The following ZCCHC14 variants were observed in gnomAD, a reference collection of about 807,000 sequenced individuals.
The protein encoded by ZCCHC14 is zinc finger CCHC domain-containing protein 14.
A neutral mutation model predicts 85.0 loss-of-function variants in ZCCHC14; 16 were observed. The ratio of observed to expected loss-of-function variants is 0.19; its 90% confidence interval spans 0.13 to 0.29. The LOEUF is 0.29. Among genes scored for constraint, ZCCHC14 ranks in the 10% least tolerant of loss-of-function variants. The pLI, the probability that ZCCHC14 is intolerant of heterozygous loss-of-function variation, is 1.00. For synonymous variants in ZCCHC14, 775 were observed against 630.7 expected (o/e 1.23, Z -3.43); for missense variants, 1,303 against 1,443.5 (o/e 0.90, Z 1.58).
chr16:87,471,644 C>G (rs191136435), intron 1 of ZCCHC14: 3 of 152,316 alleles, frequency 2.0e-5, no homozygotes, highest in Admixed American at 6.5e-5. Context: ...AGGGGCCAAC[C>G]ACATGGGACC....
intron 2 of ZCCHC14, 152 bp from the exon 3 acceptor site, chr16:87,433,353 C>G: frequency 1.5e-6 from 1 of 688,410 alleles, no homozygotes; most frequent in South Asian, 1.9e-5. Context: ...AGAACCAGAG[C>G]CCAGAGAGGA....
chr16:87,486,243 C>T (rs1912507654), intron 1 of ZCCHC14, among the ~76,000 whole-genome samples: 1 of 152,138 alleles, frequency 6.6e-6, no homozygotes, highest in African/African-American at 2.4e-5. Context: ...ATCAGAACTG[C>T]ATCCCAGCAC....
rs966890258 is a variant in ZCCHC14, at chr16:87,411,988, T to G, written c.2733A>C (p.Ala911=). Residue 911 remains alanine (A), a synonymous_variant, in exon 12 of 13, where the codon GCA becomes GCC. Coordinates refer to ENST00000671377, the MANE Select transcript of ZCCHC14 (RefSeq NM_015144.3). ...HHHHHHQQPP[A]PPQPAPPPPG... ...GCGGGGGTGGGGCGGGCTGCGGGGG[T>G]GCCGGGGGCTGCTGATGGTGGTGGT... The G allele has an allele frequency of 1.2e-6, 2 of 1,606,654 alleles. No homozygotes were observed. The highest frequency in any genetic ancestry group is 1.9e-4 in the Middle Eastern group (1 of 5,198).
At chr16:87,482,077 C>T (rs1912306504) in intron 1 of ZCCHC14, among the ~76,000 whole-genome samples, 1 of 152,158 alleles carries the variant, frequency 6.6e-6, no homozygotes, top group Non-Finnish European at 1.5e-5. Context: ...GCAGAGCCCT[C>T]CCGACCTACC....
intron 9 of ZCCHC14, among the ~76,000 whole-genome samples, chr16:87,415,005 C>A (rs1908708752): frequency 6.6e-6 from 1 of 152,210 alleles, no homozygotes; most frequent in Non-Finnish European, 1.5e-5. Flanking sequence ...TCGCTTGAAC[C>A]TGAGAGGCAG....
chr16:87,410,939 C>A (rs781249395), intron 12 of ZCCHC14, among the ~76,000 whole-genome samples: 5 of 152,234 alleles, frequency 3.3e-5, no homozygotes, highest in Non-Finnish European at 7.3e-5. Flanking sequence ...GACCCACCTT[C>A]CCAGTCCCCC....
chr16:87,430,663 G>A (rs752945626), intron 3 of ZCCHC14, among the ~76,000 whole-genome samples: 3 of 151,662 alleles, frequency 2.0e-5, no homozygotes, highest in Non-Finnish European at 4.4e-5. Context: ...CTGGGACTAC[G>A]GGTGCCCGCC....
chr16:87,444,597 C>A (rs1007857941), intron 2 of ZCCHC14, among the ~76,000 whole-genome samples: 6 of 152,182 alleles, frequency 3.9e-5, no homozygotes, highest in African/African-American at 1.4e-4. Context: ...TACCACCCGA[C>A]AGGACACAGT....
At position 87,410,257 on chromosome 16, in the gene ZCCHC14, C is replaced by A. The variant is rs754950032; in HGVS notation, c.*23G>T. 1.3e-6 allele frequency: 1 copy of A among 753,532 alleles called. No homozygotes were observed. The highest frequency in any genetic ancestry group is 2.5e-6 in the Non-Finnish European group (1 of 407,790). The allele number at this position is 753,532 out of a possible 1,614,324, so 46.7% of individuals were successfully genotyped here. A position where few individuals can be genotyped will look rare whatever the true frequency, so the allele number is the denominator to read the frequency against. ...TCCTTATGTCTCCATGGCTTAATAA[C>A]GTTCTGTTGCCAGAGAAAAATATCA... On this transcript the variant is annotated 3_prime_UTR_variant, in exon 13 of 13. Coordinates refer to ENST00000671377, the MANE Select transcript of ZCCHC14 (RefSeq NM_015144.3).
rs1908667630 is a variant in ZCCHC14, at chr16:87,414,397, G to GTATGAGT, written c.1603+16_1603+17insACTCATA. ...CTGTGTATGAGTAACCCATCTGCCC[G>GTATGAGT]ACACACCCTTGTTCACCTGCTGCAT... On this transcript the variant is annotated intron_variant, in intron 10 of 12. Transcript: ENST00000671377. 1 of 1,612,550 alleles carries GTATGAGT rather than the reference G, an allele frequency of 6.2e-7. No homozygotes were observed. The highest frequency in any genetic ancestry group is 1.3e-5 in the African/African-American group (1 of 74,892).
intron 3 of ZCCHC14, among the ~76,000 whole-genome samples, chr16:87,427,633 T>C (rs950707039): frequency 5.3e-5 from 8 of 152,090 alleles, no homozygotes; most frequent in Admixed American, 5.2e-4. Context: ...ATTAGTATTG[T>C]TTTATCATTT....
At chr16:87,449,088 G>C (rs541879149) in intron 2 of ZCCHC14, among the ~76,000 whole-genome samples, 118 of 152,328 alleles carry the variant, frequency 7.7e-4, no homozygotes, top group African/African-American at 2.7e-3. Context: ...ACTACGGCCT[G>C]AACAGTCACG....
At chr16:87,415,114 CA>C (rs941333088) in intron 9 of ZCCHC14, among the ~76,000 whole-genome samples, 161 bp downstream of exon 9, 1 of 151,990 alleles carries the variant, frequency 6.6e-6, no homozygotes, top group Non-Finnish European at 1.5e-5. Context: ...TAATCCGTCT[CA>C]AAAAATAAAT....
chr16:87,419,705 G>C, intron 6 of ZCCHC14, 78 bp downstream of exon 6: 1 of 1,273,998 alleles, frequency 7.8e-7, no homozygotes, highest in Non-Finnish European at 1.1e-6. Flanking sequence ...CAAAGTGCTG[G>C]GATTACAAGC....
Position 87,412,198 on chromosome 16 carries a change from G to T in ZCCHC14, c.2523C>A (p.Ser841Arg). 1 of 1,613,982 alleles carries T rather than the reference G, an allele frequency of 6.2e-7. No individual in the cohort carries two copies. ...GGTGGCTGCTGGGAGAGGCAGTGTT[G>T]CTGTTTGCACAGAAGCCACCCTGCA... ...GPLQGGFCAN[S>R]NTASPSSHPS... Residue 841 changes from serine (S) to arginine (R), a missense_variant, in exon 12 of 13, where the codon AGC becomes AGA. By Grantham distance (110) the Ser-to-Arg change is moderately radical. Transcript: ENST00000671377.
At chr16:87,453,708 C>A (rs559046661) in intron 2 of ZCCHC14, among the ~76,000 whole-genome samples, 30 of 152,340 alleles carry the variant, frequency 2.0e-4, no homozygotes, top group African/African-American at 5.8e-4. Flanking sequence ...AAACAACACT[C>A]TTCAGAACAT....
At chr16:87,434,197 A>C in intron 2 of ZCCHC14, among the ~76,000 whole-genome samples, 1 of 152,314 alleles carries the variant, frequency 6.6e-6, no homozygotes, top group South Asian at 2.1e-4. Context: ...AAGATGATAC[A>C]ATTAGGTTTT....
At chr16:87,487,968 G>T (rs977891356) in intron 1 of ZCCHC14, among the ~76,000 whole-genome samples, 4 of 152,058 alleles carry the variant, frequency 2.6e-5, no homozygotes, top group African/African-American at 9.7e-5. Context: ...TCAAGGGTTG[G>T]GGGGAGGGGG....
intron 1 of ZCCHC14, among the ~76,000 whole-genome samples, chr16:87,485,030 G>A (rs1382585825): frequency 3.3e-5 from 5 of 152,184 alleles, no homozygotes; most frequent in African/African-American, 7.2e-5. Context: ...GCCCAGATAA[G>A]ACATTTCAAG....
Sources: allele counts gnomAD v4.1 joint callset (sites outside exome capture counted in the v4.1 genomes callset), GRCh38; gene constraint gnomAD v4.1.1; transcripts MANE v1.5; gene names NCBI Gene and HGNC (gene_info 2026-07-23, HGNC 2026-07-21).